Variants in DNAH6 observed in about 807,000 individuals in gnomAD.
The protein encoded by DNAH6 is axonemal beta dynein heavy chain 6.
In DNAH6, 340 loss-of-function variants were observed where a neutral mutation model predicts 491.4. That is an observed-to-expected ratio of 0.69 (90% confidence interval 0.63 to 0.76). The LOEUF is 0.76. Among genes scored for constraint, DNAH6 ranks in the 30% least tolerant of loss-of-function variants. The pLI, the probability that DNAH6 is intolerant of heterozygous loss-of-function variation, is 0.00. For synonymous variants in DNAH6, 1,603 were observed against 1,686.1 expected (o/e 0.95, Z 1.21); for missense variants, 4,443 against 4,972.2 (o/e 0.89, Z 3.20).
intron 29 of DNAH6, among the ~76,000 whole-genome samples, chr2:84,631,596 C>G (rs115435211): frequency 0.011 from 1,680 of 152,212 alleles, 12 homozygotes; most frequent in African/African-American, 0.017. Flanking sequence ...TATAGATACA[C>G]AGAGAGAAGG....
chr2:84,771,157 G>A lies in DNAH6; in HGVS notation c.10703+8212G>A, dbSNP rs759152672. On this transcript the variant is annotated intron_variant, in intron 64 of 76. Coordinates refer to ENST00000389394, the MANE Select transcript of DNAH6 (RefSeq NM_001370.2). Reference sequence around the variant, plus strand: ...TACAAAATTTGCCGGGTGTAGTGGTGTATGCCTGTAATCCCAGATACTCAG... The same window carrying A: ...TACAAAATTTGCCGGGTGTAGTGGTATATGCCTGTAATCCCAGATACTCAG... Among the ~76,000 whole-genome samples, 4 of 151,982 alleles carry A rather than the reference G, an allele frequency of 2.6e-5. No individual in the cohort carries two copies. The South Asian group carries it at 6.2e-4, about 24-fold the overall frequency.
intron 42 of DNAH6, 149 bp downstream of exon 42, chr2:84,681,677 A>G: frequency 7.1e-6 from 4 of 562,536 alleles, no homozygotes; most frequent in Non-Finnish European, 1.1e-5. Flanking sequence ...AGTGCTTCAC[A>G]ACTATTTCAC....
chr2:84,745,344 A>G (rs1041488962), intron 63 of DNAH6, 95 bp downstream of exon 63: 31 of 1,018,308 alleles, frequency 3.0e-5, no homozygotes, highest in Middle Eastern at 2.5e-4. Flanking sequence ...GAGAGTAACA[A>G]TGGCCAAGTT....
At chr2:84,595,235 A>G (rs1466884914) in intron 17 of DNAH6, among the ~76,000 whole-genome samples, 1 of 152,246 alleles carries the variant, frequency 6.6e-6, no homozygotes, top group African/African-American at 2.4e-5. Context: ...AAAAACAATT[A>G]TAGATCTGTA....
upstream of DNAH6, among the ~76,000 whole-genome samples, chr2:84,513,830 A>G (rs558853792): frequency 2.0e-5 from 3 of 152,242 alleles, no homozygotes; most frequent in Admixed American, 6.5e-5. Flanking sequence ...AGTTTTGTCT[A>G]TACTCCTAAA....
chr2:84,631,596 CAG>C (rs1688401591), intron 29 of DNAH6, among the ~76,000 whole-genome samples: 1 of 152,104 alleles, frequency 6.6e-6, no homozygotes, highest in Non-Finnish European at 1.5e-5. Flanking sequence ...TATAGATACA[CAG>C]AGAGAAGGCA....
At chr2:84,705,769 AT>A in intron 52 of DNAH6, 22 bp downstream of exon 52, 1 of 1,529,648 alleles carries the variant, frequency 6.5e-7, no homozygotes. Context: ...GTATTGTGAT[AT>A]TTTATAGAAT....
At chr2:84,665,783 C>T (rs1333102539) in intron 37 of DNAH6, among the ~76,000 whole-genome samples, 1 of 152,110 alleles carries the variant, frequency 6.6e-6, no homozygotes, top group Non-Finnish European at 1.5e-5. Flanking sequence ...CAAAGCCTGG[C>T]AGAGACACAC....
At chr2:84,499,948 T>C in the DNAH6 span, among the ~76,000 whole-genome samples, 1 of 152,094 alleles carries the variant, frequency 6.6e-6, no homozygotes, top group East Asian at 1.9e-4. Flanking sequence ...AGTAATCTTG[T>C]CAAATGGGTA....
intron 63 of DNAH6, among the ~76,000 whole-genome samples, chr2:84,745,569 G>A (rs536331598): frequency 6.6e-6 from 1 of 152,106 alleles, no homozygotes; most frequent in East Asian, 1.9e-4. Flanking sequence ...GGGAGGCTAA[G>A]GCAGGAGAAT....
At chr2:84,503,926 T>C in the DNAH6 span, among the ~76,000 whole-genome samples, 1 of 152,178 alleles carries the variant, frequency 6.6e-6, no homozygotes, top group African/African-American at 2.4e-5. Context: ...TTCTTGTACT[T>C]GGATATTGAT....
chr2:84,769,336 C>T (rs1171686549), intron 64 of DNAH6, among the ~76,000 whole-genome samples: 2 of 152,258 alleles, frequency 1.3e-5, no homozygotes, highest in Non-Finnish European at 2.9e-5. Flanking sequence ...CCTCAGACCT[C>T]AGCATGGGCT....
intron 64 of DNAH6, among the ~76,000 whole-genome samples, chr2:84,780,642 A>G (rs560985503): frequency 1.4e-4 from 21 of 152,322 alleles, no homozygotes; most frequent in South Asian, 6.2e-4. Context: ...AGACATTTCA[A>G]TCTGGTTAGA....
intron 70 of DNAH6, among the ~76,000 whole-genome samples, chr2:84,803,424 T>C (rs1679109151): frequency 6.6e-6 from 1 of 152,178 alleles, no homozygotes; most frequent in Admixed American, 6.5e-5. Flanking sequence ...GTGTAACAAA[T>C]GTGCACGTGT....
chr2:84,624,585 G>T lies in DNAH6; in HGVS notation c.4318G>T (p.Gly1440Cys), dbSNP rs1401607987. 6.4e-7 allele frequency: 1 copy of T among 1,551,438 alleles called. No homozygotes were observed. The highest frequency in any genetic ancestry group is 2.4e-5 in the East Asian group (1 of 40,896). The change falls in exon 28 of 77, where the codon GGT becomes TGT. Residue 1440 changes from glycine (G) to cysteine (C), a missense_variant. Physicochemically the swap from Gly to Cys is radical, Grantham distance 159. Transcript: ENST00000389394. ...SQYTYGYEYL[G>C]ACPRLVITPL... ...GTACACTTATGGCTATGAATATTTG[G>T]GTGCATGCCCAAGATTGGTTATTAC...
At chr2:84,760,610 A>G (rs1674479989) in intron 63 of DNAH6, among the ~76,000 whole-genome samples, 2 of 152,368 alleles carry the variant, frequency 1.3e-5, no homozygotes, top group South Asian at 4.1e-4. Flanking sequence ...ATGAGATATT[A>G]TCATACCCCA....
rs1234031815 is a variant in DNAH6 at position 84,787,254 on chromosome 2, T to C, written c.11191T>C (p.Tyr3731His). 1.3e-6 allele frequency: 2 copies of C among 1,547,990 alleles called. No homozygotes were observed. The highest frequency in any genetic ancestry group is 2.0e-5 in the Admixed American group (1 of 50,636). ...ATGTGCTTTACTGAATCTCAAACTC[T>C]ATTGTAAAGAAGGAAAGATTCCCTG... Reference protein sequence around the residue: ...RECALLNLKLYCKEGKIPWDA... With the variant: ...RECALLNLKLHCKEGKIPWDA... Residue 3731 changes from tyrosine to histidine, a missense_variant, in exon 68 of 77, where the codon TAT becomes CAT. By Grantham distance (83) the Tyr-to-His change is moderately conservative. Transcript: ENST00000389394.
At chr2:84,663,205 C>T (rs972881070) in intron 37 of DNAH6, among the ~76,000 whole-genome samples, 3 of 152,184 alleles carry the variant, frequency 2.0e-5, no homozygotes, top group Admixed American at 6.5e-5. Flanking sequence ...GAACACAGCT[C>T]CTCGCCAGCA....
intron 62 of DNAH6, among the ~76,000 whole-genome samples, chr2:84,738,401 T>G (rs2105010785): frequency 6.6e-6 from 1 of 152,214 alleles, no homozygotes; most frequent in South Asian, 2.1e-4. Context: ...AATTGGTCAA[T>G]TTTCTGCCTC....
Sources: allele counts gnomAD v4.1 joint callset (sites outside exome capture counted in the v4.1 genomes callset), GRCh38; gene constraint gnomAD v4.1.1; transcripts MANE v1.5; gene names NCBI Gene and HGNC (gene_info 2026-07-23, HGNC 2026-07-21).